RHOBTB3: variants seen among roughly 807,000 people sequenced by gnomAD.
RHOBTB3 encodes rho-related BTB domain-containing protein 3.
RHOBTB3 carries 47 observed loss-of-function variants against 67.2 expected under a neutral mutation model. The observed-to-expected ratio is 0.70, with a 90% CI of 0.55 to 0.89. The LOEUF (loss-of-function observed/expected upper bound fraction) is 0.89. Ranked by LOEUF, RHOBTB3 falls within the 40% of genes least tolerant of loss-of-function variation. RHOBTB3 has a pLI of 0.00. For missense variants in RHOBTB3, 631 were observed against 750.0 expected, an observed-to-expected ratio of 0.84 and a Z score of 1.85; for synonymous variants, 273 against 274.2, an observed-to-expected ratio of 1.00 and a Z score of 0.04.
chr5:95,759,907 G>A (rs1471520713), intron 6 of RHOBTB3, among the ~76,000 whole-genome samples: 1 of 151,220 alleles, frequency 6.6e-6, no homozygotes, highest in Non-Finnish European at 1.5e-5. Context: ...GAGCAAACAC[G>A]GGCTAGAGAG....
At chr5:95,734,888 C>G (rs1580394055) in intron 2 of RHOBTB3, among the ~76,000 whole-genome samples, 1 of 152,180 alleles carries the variant, frequency 6.6e-6, no homozygotes, top group Admixed American at 6.5e-5. Flanking sequence ...AAGGTCCTCC[C>G]CTTCCCCGGA....
intron 5 of RHOBTB3, among the ~76,000 whole-genome samples, chr5:95,752,862 T>C (rs973694541): frequency 6.6e-6 from 1 of 152,152 alleles, no homozygotes; most frequent in South Asian, 2.1e-4. Flanking sequence ...CCGGGCGCGG[T>C]GGCTCACACC....
intron 5 of RHOBTB3, 100 bp downstream of exon 5, chr5:95,752,450 G>A: frequency 1.2e-6 from 1 of 801,770 alleles, no homozygotes; most frequent in Middle Eastern, 2.2e-4. Flanking sequence ...AGCATGCTCA[G>A]AGCTTACCTG....
At chr5:95,730,928 G>C (rs1319874508), upstream of RHOBTB3, 8 of 460,468 alleles carry the variant, frequency 1.7e-5, no homozygotes, top group Non-Finnish European at 3.5e-5. Flanking sequence ...CCAAGAGGGG[G>C]GGAAATCGGG....
At chr5:95,733,955 T>G (rs1258812940) in intron 2 of RHOBTB3, among the ~76,000 whole-genome samples, 4 of 152,212 alleles carry the variant, frequency 2.6e-5, no homozygotes, top group Non-Finnish European at 5.9e-5. Context: ...CCTTGTTAAA[T>G]CACTTACCTT....
At chr5:95,727,408 C>A (rs1405183032), upstream of RHOBTB3, among the ~76,000 whole-genome samples, 1 of 152,204 alleles carries the variant, frequency 6.6e-6, no homozygotes, top group East Asian at 1.9e-4. Context: ...TATGAATATT[C>A]ACAATTTGGG....
intron 3 of RHOBTB3, among the ~76,000 whole-genome samples, chr5:95,743,077 T>TA (rs1056236583): frequency 7.9e-5 from 12 of 151,776 alleles, no homozygotes; most frequent in African/African-American, 1.4e-4. Flanking sequence ...TCTCAAAAAA[T>TA]AAAAAAATAA....
upstream of RHOBTB3, chr5:95,731,221 A>G (rs866055016): frequency 7.0e-6 from 7 of 1,003,042 alleles, no homozygotes; most frequent in South Asian, 1.3e-4. Flanking sequence ...CGTCCCCCGC[A>G]TCCGCCCGAC....
chr5:95,772,622 T>A (rs1456829303), intron 8 of RHOBTB3, among the ~76,000 whole-genome samples: 1 of 152,168 alleles, frequency 6.6e-6, no homozygotes, highest in Non-Finnish European at 1.5e-5. Flanking sequence ...GCTTTAGAAG[T>A]TTAACTGTGA....
At position 95,770,327 on chromosome 5, in the gene RHOBTB3, G is replaced by C. The variant is rs112706396; in HGVS notation, c.1282+2161G>C. Reference sequence around the variant, plus strand: ...GAAGAAGACATCATTCTGGGATGGGGTTGTGCCTTGCTTCAGTTCATTCCA... The same window carrying C: ...GAAGAAGACATCATTCTGGGATGGGCTTGTGCCTTGCTTCAGTTCATTCCA... On this transcript the variant is annotated intron_variant, in intron 8 of 11. Coordinates refer to ENST00000379982, the MANE Select transcript of RHOBTB3 (RefSeq NM_014899.4). 1.3e-4 allele frequency: 35 copies of C among 278,486 alleles called. 1 individual carries two copies. The highest frequency in any genetic ancestry group is 5.7e-4 in the African/African-American group (25 of 44,240). The allele number at this position is 278,486 out of a possible 1,614,324, so 17.3% of individuals were successfully genotyped here.
chr5:95,731,531 C>T lies in RHOBTB3; in HGVS notation c.-152C>T. ...TCGCTGGCTGGCGCGGCCCCGGCCCCGCTCTGCGTCGGCCCCGCCGCGGTG... is the reference window on the plus strand; with the variant it reads ...TCGCTGGCTGGCGCGGCCCCGGCCCTGCTCTGCGTCGGCCCCGCCGCGGTG... On this transcript the variant is annotated 5_prime_UTR_variant, in exon 1 of 12. Transcript: ENST00000379982. The T allele has an allele frequency of 1.5e-6, 2 of 1,352,608 alleles. No individual in the cohort carries two copies. The highest frequency in any genetic ancestry group is 9.5e-7 in the Non-Finnish European group (1 of 1,056,758). 83.8% of individuals were successfully genotyped at this position (1,352,608 alleles called of 1,614,324 possible). A position where few individuals can be genotyped will look rare whatever the true frequency, so the allele number is the denominator to read the frequency against.
rs1458283135 is a variant in RHOBTB3, at chr5:95,732,417, C to G, written c.228+333C>G. The G allele has an allele frequency of 7.3e-6, 4 of 546,458 alleles. No individual in the cohort carries two copies. The Admixed American group carries it at 1.3e-4, about 18-fold the overall frequency. 33.9% of individuals were successfully genotyped at this position (546,458 alleles called of 1,614,324 possible). On this transcript the variant is annotated intron_variant, in intron 2 of 11. Transcript: ENST00000379982. ...GTCACTAAGTTTCATCAGCAAAAAG[C>G]AGTGTTTTTTTATGTCTACCCTATG... is the stretch of plus-strand genomic sequence containing the variant.
chr5:95,731,424 G>A lies in RHOBTB3; in HGVS notation c.-259G>A. ...CCACTTGGGGCTGTGCGGCGGTCCCGCGCCCGGCGATGTTCCCGGGCACTC... is the reference window on the plus strand; with the variant it reads ...CCACTTGGGGCTGTGCGGCGGTCCCACGCCCGGCGATGTTCCCGGGCACTC... On this transcript the variant is annotated 5_prime_UTR_variant, in exon 1 of 12. Coordinates refer to ENST00000379982, the MANE Select transcript of RHOBTB3 (RefSeq NM_014899.4). 1 of 1,193,546 alleles carries A rather than the reference G, an allele frequency of 8.4e-7. No individual in the cohort carries two copies. Among genetic ancestry groups the A allele is most frequent in the Non-Finnish European group, 1.0e-6 (1 of 966,158 alleles). 73.9% of individuals were successfully genotyped at this position (1,193,546 alleles called of 1,614,324 possible).
chr5:95,726,739 A>C (rs75966684), upstream of RHOBTB3, among the ~76,000 whole-genome samples: 1 of 152,166 alleles, frequency 6.6e-6, no homozygotes, highest in Non-Finnish European at 1.5e-5. Context: ...CTGTAACAGT[A>C]GTTTACTTAA....
chr5:95,763,829 T>A (rs909564584), intron 7 of RHOBTB3, among the ~76,000 whole-genome samples: 5 of 151,732 alleles, frequency 3.3e-5, no homozygotes, highest in African/African-American at 7.3e-5. Flanking sequence ...TGTGTGTGTG[T>A]GAGACAGAGA....
chr5:95,741,365 T>A (rs367573553), intron 3 of RHOBTB3, among the ~76,000 whole-genome samples: 26 of 150,910 alleles, frequency 1.7e-4, no homozygotes, highest in African/African-American at 5.8e-4. Flanking sequence ...AGAGATAGAA[T>A]CCATATTTTC....
intron 1 of RHOBTB3, among the ~76,000 whole-genome samples, chr5:95,720,330 A>T (rs1030400411): frequency 5.9e-5 from 9 of 152,024 alleles, no homozygotes; most frequent in African/African-American, 2.2e-4. Flanking sequence ...ATTTAGATCA[A>T]TTCACTTCCT....
intron 7 of RHOBTB3, among the ~76,000 whole-genome samples, chr5:95,766,600 A>T (rs958958825): frequency 2.6e-5 from 4 of 151,488 alleles, no homozygotes; most frequent in Non-Finnish European, 4.4e-5. Flanking sequence ...AAAATTTAAA[A>T]AAAAAAAAAA....
At chr5:95,785,060 C>A (rs1561456902) in intron 10 of RHOBTB3, among the ~76,000 whole-genome samples, 1 of 152,226 alleles carries the variant, frequency 6.6e-6, no homozygotes, top group Non-Finnish European at 1.5e-5. Flanking sequence ...CAACTTTTAT[C>A]TCCATCCACA....
Sources: gnomAD v4.1 joint callset for allele counts (sites outside exome capture counted in the v4.1 genomes callset) on GRCh38, gnomAD v4.1.1 for gene constraint, MANE v1.5 for transcripts, NCBI Gene and HGNC (gene_info 2026-07-23, HGNC 2026-07-21) for gene names.